The following PGBD5 variants were observed in gnomAD, a reference collection of about 807,000 sequenced individuals.
The protein encoded by PGBD5 is piggyBac transposable element-derived protein 5.
A neutral mutation model predicts 47.9 loss-of-function variants in PGBD5; 14 were observed. That is an observed-to-expected ratio of 0.29 (90% CI 0.19 to 0.46). The LOEUF (loss-of-function observed/expected upper bound fraction) is 0.46, where lower values mean the gene tolerates loss of function less well. PGBD5 is among the 20% of genes least tolerant of loss of function. The pLI is 1.00. For missense variants in PGBD5, 635 were observed against 716.0 expected (o/e 0.89, Z 1.29); for synonymous variants, 316 against 306.3 (o/e 1.03, Z -0.33).
rs931787737 is a variant in PGBD5 at position 230,321,466 on chromosome 1, C to T, written c.*1959G>A. 2 of 152,184 alleles carry T rather than the reference C, an allele frequency of 1.3e-5. No individual in the cohort carries two copies. The highest frequency in any genetic ancestry group is 4.8e-5 in the African/African-American group (2 of 41,422). The allele number at this position is 152,184 out of a possible 1,614,324, so 9.4% of individuals were successfully genotyped here. A position where few individuals can be genotyped will look rare whatever the true frequency, so the allele number is the denominator to read the frequency against. ...GGGACTGCAGGCATGTGCCACCACACCTAATTCTTGTATTTTTTGTAGAAA... is the reference window on the plus strand; with the variant it reads ...GGGACTGCAGGCATGTGCCACCACATCTAATTCTTGTATTTTTTGTAGAAA... On this transcript the variant is annotated 3_prime_UTR_variant, in exon 7 of 7. Coordinates refer to ENST00000391860, the MANE Select transcript of PGBD5 (RefSeq NM_001258311.2).
At position 230,425,256 on chromosome 1, in the gene PGBD5, G is replaced by C. The variant is rs1346322609; in HGVS notation, c.331+342C>G. On this transcript the variant is annotated intron_variant, in intron 1 of 6. Transcript: ENST00000391860. The surrounding 1 kb of genome is among the most constrained non-coding windows in gnomAD (Gnocchi z 4.7). Reference sequence around the variant, plus strand: ...CTTTCAGAAAAGCCCCCTCAACTAGGAAAGCCTAACTTCAATCCACCCCTA... The same window carrying C: ...CTTTCAGAAAAGCCCCCTCAACTAGCAAAGCCTAACTTCAATCCACCCCTA... Among the ~76,000 whole-genome samples, 1 of 152,080 alleles carries C rather than the reference G, an allele frequency of 6.6e-6. No homozygotes were observed. The highest frequency in any genetic ancestry group is 1.9e-4 in the East Asian group (1 of 5,178).
At chr1:230,373,042 T>C (rs1319914775) in intron 1 of PGBD5, among the ~76,000 whole-genome samples, 1 of 152,236 alleles carries the variant, frequency 6.6e-6, no homozygotes, top group Non-Finnish European at 1.5e-5. Context: ...AAAGGCTTCA[T>C]GAATATCAAA....
chr1:230,383,425 T>C (rs1008094823), intron 1 of PGBD5, among the ~76,000 whole-genome samples: 1 of 151,938 alleles, frequency 6.6e-6, no homozygotes, highest in African/African-American at 2.4e-5. Flanking sequence ...AGTGCAGTGG[T>C]GCAAACACGC....
intron 1 of PGBD5, among the ~76,000 whole-genome samples, chr1:230,420,079 T>C (rs1051280242): frequency 1.3e-5 from 2 of 152,106 alleles, no homozygotes; most frequent in Non-Finnish European, 2.9e-5. Context: ...TGCACCAAGA[T>C]TGTGCCATTG....
At chr1:230,369,184 C>G (rs1270329653) in intron 1 of PGBD5, among the ~76,000 whole-genome samples, 2 of 152,232 alleles carry the variant, frequency 1.3e-5, no homozygotes, top group African/African-American at 2.4e-5. Context: ...AAGGTGAACC[C>G]AGAACGTGGA....
chr1:230,377,470 T>G (rs761834565), intron 1 of PGBD5: 4 of 1,609,944 alleles, frequency 2.5e-6, no homozygotes. Context: ...TGCCCAGAGC[T>G]GGAAGGGCCT....
chr1:230,401,357 C>T (rs1571860467), intron 1 of PGBD5, among the ~76,000 whole-genome samples: 1 of 152,296 alleles, frequency 6.6e-6, no homozygotes, highest in East Asian at 1.9e-4. Context: ...ACAGGCAGTA[C>T]GTGCTCCGGG....
At chr1:230,419,583 A>C (rs1657603062) in intron 1 of PGBD5, among the ~76,000 whole-genome samples, 1 of 151,996 alleles carries the variant, frequency 6.6e-6, no homozygotes, top group African/African-American at 2.4e-5. Context: ...ATACAAAATA[A>C]AATAAAACAA....
chr1:230,393,564 G>A (rs543120405), intron 1 of PGBD5, among the ~76,000 whole-genome samples: 9 of 152,260 alleles, frequency 5.9e-5, no homozygotes, highest in Middle Eastern at 3.4e-3. Flanking sequence ...TAGGCCGGGC[G>A]CGGTGGCTCA....
chr1:230,406,311 CAAAAAAAAAAAAA>C (rs67577027), intron 1 of PGBD5, among the ~76,000 whole-genome samples: 3 of 54,664 alleles, frequency 5.5e-5, no homozygotes, highest in Admixed American at 2.2e-4. Flanking sequence ...GACTCCGTCT[CAAAAAAAAAAAAA>C]AAAAAAAAAA....
chr1:230,373,918 T>C (rs746191940), intron 1 of PGBD5, among the ~76,000 whole-genome samples: 54 of 152,106 alleles, frequency 3.6e-4, no homozygotes, highest in Non-Finnish European at 1.0e-4. Flanking sequence ...GGCTGGTCTC[T>C]AACTCCCAGA....
Position 230,316,100 on chromosome 1 carries a change from TTATGTGTACACATATATC to T in PGBD5, c.*7307_*7324del, listed in dbSNP as rs1666942647. On this transcript the variant is annotated 3_prime_UTR_variant, in exon 7 of 7. Transcript: ENST00000391860. ...TGTTTATGTGTATACATACATATGT[TTATGTGTACACATATATC>T]TATGTGTATACATACATATGTATAT... 1 of 113,512 alleles carries T rather than the reference TTATGTGTACACATATATC, an allele frequency of 8.8e-6. No homozygotes were observed. The highest frequency in any genetic ancestry group is 3.1e-5 in the African/African-American group (1 of 31,940). The allele number at this position is 113,512 out of a possible 1,614,324, so 7.0% of individuals were successfully genotyped here.
At position 230,319,458 on chromosome 1, in the gene PGBD5, G is replaced by A. The variant is rs1667002804; in HGVS notation, c.*3967C>T. ...TTTTTGCCATGAATGCAGACTGGAG[G>A]AGAATGTGTGAGGCTTGCGTAGTTG... On this transcript the variant is annotated 3_prime_UTR_variant, in exon 7 of 7. Coordinates refer to ENST00000391860, the MANE Select transcript of PGBD5 (RefSeq NM_001258311.2). 1 of 152,164 alleles carries A rather than the reference G, an allele frequency of 6.6e-6. No homozygotes were observed. Among genetic ancestry groups the A allele is most frequent in the South Asian group, 2.1e-4 (1 of 4,828 alleles). 9.4% of individuals were successfully genotyped at this position (152,164 alleles called of 1,614,324 possible). A position where few individuals can be genotyped will look rare whatever the true frequency, so the allele number is the denominator to read the frequency against.
At chr1:230,400,922 T>G (rs1267112891) in intron 1 of PGBD5, among the ~76,000 whole-genome samples, 2 of 152,228 alleles carry the variant, frequency 1.3e-5, no homozygotes, top group African/African-American at 4.8e-5. Context: ...CTCTACTTTA[T>G]AAATGAGAAA....
At chr1:230,331,657 CCTT>C (rs1667217539) in intron 5 of PGBD5, among the ~76,000 whole-genome samples, 1 of 151,874 alleles carries the variant, frequency 6.6e-6, no homozygotes, top group African/African-American at 2.4e-5. Flanking sequence ...TCCTCCTCCT[CCTT>C]TTTTTTTTCT....
chr1:230,379,915 C>G (rs1668066332), intron 1 of PGBD5, among the ~76,000 whole-genome samples: 1 of 152,194 alleles, frequency 6.6e-6, no homozygotes, highest in African/African-American at 2.4e-5. Flanking sequence ...AGGGACTTGC[C>G]CAAGTGGCGG....
At chr1:230,324,985 G>A (rs1337749996) in intron 6 of PGBD5, among the ~76,000 whole-genome samples, 4 of 152,222 alleles carry the variant, frequency 2.6e-5, no homozygotes, top group Non-Finnish European at 4.4e-5. Context: ...TGGGGCAAGC[G>A]ATGCCAACGG....
In PGBD5 at chr1:230,426,272, T is replaced by G. The variant is rs1657785769; in HGVS notation, c.-344A>C. ...CACCGCCACCACCGCCGCCGCTGCGTCTCCTCGGCGCCCGCCGCCTCCCTG... is the reference window on the plus strand; with the variant it reads ...CACCGCCACCACCGCCGCCGCTGCGGCTCCTCGGCGCCCGCCGCCTCCCTG... On this transcript the variant is annotated 5_prime_UTR_variant, in exon 1 of 7. Coordinates refer to ENST00000391860, the MANE Select transcript of PGBD5 (RefSeq NM_001258311.2). 1 of 147,590 alleles carries G rather than the reference T, an allele frequency of 6.8e-6. No homozygotes were observed. Among genetic ancestry groups the G allele is most frequent in the Non-Finnish European group, 1.5e-5 (1 of 67,742 alleles). 9.1% of individuals were successfully genotyped at this position (147,590 alleles called of 1,614,324 possible).
chr1:230,349,299 G>A (rs1022101610), intron 3 of PGBD5, among the ~76,000 whole-genome samples: 14 of 152,086 alleles, frequency 9.2e-5, no homozygotes, highest in East Asian at 3.9e-4. Context: ...AGGCCGAGGC[G>A]GGATGATCAC....
Sources: allele counts gnomAD v4.1 joint callset (sites outside exome capture counted in the v4.1 genomes callset), GRCh38; gene constraint gnomAD v4.1.1; non-coding constraint Gnocchi (gnomAD v3.1); transcripts MANE v1.5; gene names NCBI Gene and HGNC (gene_info 2026-07-23, HGNC 2026-07-21).